EP300: variants seen among roughly 807,000 people sequenced by gnomAD.
EP300 encodes the protein histone acetyltransferase p300.
A neutral mutation model predicts 264.0 loss-of-function variants in EP300; 31 were observed. The observed-to-expected ratio is 0.12, with a 90% confidence interval of 0.09 to 0.16. The LOEUF is 0.16. Among genes scored for constraint, EP300 ranks in the 10% least tolerant of loss-of-function variants. The probability of loss-of-function intolerance (pLI) is 1.00; values close to 1 mark genes in which losing one functional copy is unlikely to be tolerated. For missense variants in EP300, 2,766 were observed against 3,052.9 expected (o/e 0.91, Z 2.21); for synonymous variants, 1,340 against 1,045.4 (o/e 1.28, Z -5.44).
In EP300 at chr22:41,179,237, C is replaced by T. The variant is rs778583274; in HGVS notation, c.*281C>T. 1 of 435,046 alleles carries T rather than the reference C, an allele frequency of 2.3e-6. No individual in the cohort carries two copies. Among genetic ancestry groups the T allele is most frequent in the East Asian group, 3.8e-5 (1 of 26,574 alleles). 26.9% of individuals were successfully genotyped at this position (435,046 alleles called of 1,614,324 possible). ...GTGTGCACTGGGAGGAGGCTGAGGC[C>T]TGTGAAGCCAAACAATATGCTCCTG... On this transcript the variant is annotated 3_prime_UTR_variant, in exon 31 of 31. Coordinates refer to ENST00000263253, the MANE Select transcript of EP300 (RefSeq NM_001429.4).
chr22:41,140,253 A>G lies in EP300; in HGVS notation c.1874A>G (p.Asn625Ser), dbSNP rs775426461. 3.1e-6 allele frequency: 5 copies of G among 1,598,754 alleles called. No individual in the cohort carries two copies. Among genetic ancestry groups the G allele is most frequent in the Middle Eastern group, 1.7e-4 (1 of 6,030 alleles). The change falls in exon 9 of 31, where the codon AAT becomes AGT. Residue 625 changes from asparagine to serine, a missense_variant. Physicochemically the swap from Asn to Ser is conservative, Grantham distance 46. Transcript: ENST00000263253. ...VEGDMYESAN[N>S]RAEYYHLLAE... ...GGGGACATGTATGAATCTGCAAACA[A>G]TCGAGTGAGTGTCTGGTTTTTTTCT...
Position 41,150,049 on chromosome 22 carries a change from A to C in EP300, c.2668A>C (p.Thr890Pro), listed in dbSNP as rs577396026. The C allele has an allele frequency of 3.7e-5, 60 of 1,613,792 alleles. No homozygotes were observed. The Admixed American group carries it at 4.0e-4, about 11-fold the overall frequency. The change falls in exon 14 of 31, where the codon ACA (threonine) becomes CCA (proline). Residue 890 changes from threonine to proline, a missense_variant. Physicochemically the swap from Thr to Pro is conservative, Grantham distance 38. Transcript: ENST00000263253. ...PPPRQTPTPP[T>P]TQLPQQVQPS... ...TCCAAGGCAGACACCTACACCACCAACAACACAACTTCCCCAACAAGTGCA... is the reference window on the plus strand; with the variant it reads ...TCCAAGGCAGACACCTACACCACCACCAACACAACTTCCCCAACAAGTGCA...
In EP300 at chr22:41,152,312, C is replaced by T. The variant is rs2145741034; in HGVS notation, c.3104C>T (p.Thr1035Ile). Residue 1035 changes from threonine (T) to isoleucine (I), a missense_variant, in exon 16 of 31, where the codon ACC becomes ATC. Coordinates refer to ENST00000263253, the MANE Select transcript of EP300 (RefSeq NM_001429.4). ...GAAGACCAGCCAAGTACTTCAGCTACCCAGTCATCTCCGGCTCCAGGACAG... is the reference window on the plus strand; with the variant it reads ...GAAGACCAGCCAAGTACTTCAGCTATCCAGTCATCTCCGGCTCCAGGACAG... ...EEEDQPSTSA[T>I]QSSPAPGQSK... 1 of 1,614,096 alleles carries T rather than the reference C, an allele frequency of 6.2e-7. No individual in the cohort carries two copies. The highest frequency in any genetic ancestry group is 2.2e-5 in the East Asian group (1 of 44,880).
At position 41,178,053 on chromosome 22, in the gene EP300, G is replaced by A. The variant is rs141593868; in HGVS notation, c.6342G>A (p.Gln2114=). Residue 2114 remains glutamine, a synonymous_variant, in exon 31 of 31, where the codon CAG becomes CAA. Transcript: ENST00000263253. ...PGMPQGQPGL[Q]PPTMPGQQGV... ...TGCCCCAGGGGCAGCCAGGGCTACAGCCACCTACCATGCCAGGTCAGCAGG... is the reference window on the plus strand; with the variant it reads ...TGCCCCAGGGGCAGCCAGGGCTACAACCACCTACCATGCCAGGTCAGCAGG... 4 of 1,614,104 alleles carry A rather than the reference G, an allele frequency of 2.5e-6. No homozygotes were observed. Among genetic ancestry groups the A allele is most frequent in the African/African-American group, 1.3e-5 (1 of 75,030 alleles).
intron 4 of EP300, among the ~76,000 whole-genome samples, chr22:41,129,133 C>T (rs923362414): frequency 3.3e-5 from 5 of 151,702 alleles, no homozygotes; most frequent in African/African-American, 1.2e-4. Flanking sequence ...GCCTCAGCCT[C>T]CCGAGTAGAT....
At chr22:41,141,288 C>T (rs1274516859) in intron 10 of EP300, 66 bp downstream of exon 10, 1 of 1,535,174 alleles carries the variant, frequency 6.5e-7, no homozygotes, top group African/African-American at 1.4e-5. Flanking sequence ...TATCTAAAGT[C>T]ATTAATTTCT....
rs2059219957 is a variant in EP300 at position 41,178,750 on chromosome 22, C to T, written c.7039C>T (p.Pro2347Ser). 2 of 1,614,028 alleles carry T rather than the reference C, an allele frequency of 1.2e-6. No homozygotes were observed. The highest frequency in any genetic ancestry group is 1.7e-5 in the Admixed American group (1 of 59,972). ...CCACGTTTCCCCACAGACAAGTTCC[C>T]CACATCCTGGACTGGTAGCTGCCCA... ...PHHVSPQTSSPHPGLVAAQAN... is the reference protein window; with the variant it reads ...PHHVSPQTSSSHPGLVAAQAN... Residue 2347 changes from proline (P) to serine (S), a missense_variant, in exon 31 of 31, where the codon CCA (proline) becomes TCA (serine). Pro to Ser is a moderately conservative substitution (Grantham distance 74, BLOSUM62 -1). Transcript: ENST00000263253.
chr22:41,134,379 G>T (rs1206606241), intron 6 of EP300, among the ~76,000 whole-genome samples: 1 of 152,034 alleles, frequency 6.6e-6, no homozygotes, highest in African/African-American at 2.4e-5. Context: ...GTGTGTGTGT[G>T]TGAGATTGGT....
At chr22:41,155,875 G>A (rs1322736956) in intron 17 of EP300, among the ~76,000 whole-genome samples, 1 of 152,144 alleles carries the variant, frequency 6.6e-6, no homozygotes, top group African/African-American at 2.4e-5. Context: ...AGACATTTAG[G>A]TTGTTTACAC....
intron 16 of EP300, among the ~76,000 whole-genome samples, chr22:41,153,260 C>G (rs747040444): frequency 1.3e-5 from 2 of 152,304 alleles, no homozygotes; most frequent in Middle Eastern, 3.4e-3. Flanking sequence ...CTCTAGTGAT[C>G]TGCAAAAGGC....
At chr22:41,096,740 C>T (rs1423954159) in intron 1 of EP300, among the ~76,000 whole-genome samples, 1 of 151,614 alleles carries the variant, frequency 6.6e-6, no homozygotes, top group Admixed American at 6.6e-5. Context: ...GCTTCACCCT[C>T]CTCAGTAGCT....
At chr22:41,105,785 A>G (rs930324395) in intron 1 of EP300, among the ~76,000 whole-genome samples, 2 of 152,224 alleles carry the variant, frequency 1.3e-5, no homozygotes, top group South Asian at 4.1e-4. Flanking sequence ...GGACCATGTG[A>G]AGAGTACATA....
At chr22:41,110,818 G>C (rs1241519696) in intron 1 of EP300, among the ~76,000 whole-genome samples, 2 of 151,974 alleles carry the variant, frequency 1.3e-5, no homozygotes, top group Non-Finnish European at 2.9e-5. Context: ...ATACTGCATT[G>C]AATCTATAGA....
intron 26 of EP300, among the ~76,000 whole-genome samples, 166 bp downstream of exon 26, chr22:41,169,782 T>C (rs2059159898): frequency 6.6e-6 from 1 of 152,140 alleles, no homozygotes; most frequent in Non-Finnish European, 1.5e-5. Context: ...TTAATGTCAG[T>C]AGAGAGAAAT....
intron 23 of EP300, among the ~76,000 whole-genome samples, chr22:41,167,806 T>G (rs1464752635): frequency 9.5e-6 from 1 of 104,780 alleles, no homozygotes; most frequent in Non-Finnish European, 1.9e-5. Context: ...CTATTTCTGT[T>G]TGTTTTTGTT....
At chr22:41,141,427 T>A (rs1167476259) in intron 10 of EP300, among the ~76,000 whole-genome samples, 1 of 152,238 alleles carries the variant, frequency 6.6e-6, no homozygotes, top group African/African-American at 2.4e-5. Flanking sequence ...GTACTTAACA[T>A]ACCTTGATAA....
Position 41,147,892 on chromosome 22 carries a change from A to G in EP300, c.2187A>G (p.Gln729=), listed in dbSNP as rs1336784957. 1.9e-6 allele frequency: 3 copies of G among 1,613,840 alleles called. No individual in the cohort carries two copies. The highest frequency in any genetic ancestry group is 1.7e-6 in the Non-Finnish European group (2 of 1,179,862). ...SMAQPPIVPR[Q]TPPLQHHGQL... ...CCCAGCCCCCTATTGTACCCCGGCAAACCCCTCCTCTTCAGCACCATGGAC... is the reference window on the plus strand; with the variant it reads ...CCCAGCCCCCTATTGTACCCCGGCAGACCCCTCCTCTTCAGCACCATGGAC... The change falls in exon 12 of 31, where the codon CAA becomes CAG. Residue 729 remains glutamine, a synonymous_variant. Transcript: ENST00000263253.
At chr22:41,172,421 G>C (rs2145769653) in intron 27 of EP300, 78 bp from the exon 28 acceptor site, 1 of 1,306,666 alleles carries the variant, frequency 7.7e-7, no homozygotes, top group Non-Finnish European at 1.1e-6. Context: ...CATGTTTCTT[G>C]TCAGCCATGA....
intron 1 of EP300, among the ~76,000 whole-genome samples, chr22:41,111,436 G>A (rs551602966): frequency 3.5e-4 from 53 of 152,268 alleles, no homozygotes; most frequent in African/African-American, 1.2e-3. Flanking sequence ...GTATATTCAT[G>A]GGTTATAGTG....
Sources: allele counts gnomAD v4.1 joint callset (sites outside exome capture counted in the v4.1 genomes callset), GRCh38; gene constraint gnomAD v4.1.1; transcripts MANE v1.5; gene names NCBI Gene and HGNC (gene_info 2026-07-23, HGNC 2026-07-21).